Variants in ZNF287 observed in about 807,000 individuals in gnomAD.
ZNF287 encodes the protein zinc finger protein with KRAB and SCAN domains 13.
ZNF287 carries 31 observed loss-of-function variants against 73.7 expected under a neutral mutation model. That is an observed-to-expected ratio of 0.42 (90% CI 0.32 to 0.57). The LOEUF (loss-of-function observed/expected upper bound fraction) is 0.57. Ranked by LOEUF, ZNF287 falls within the 20% of genes least tolerant of loss-of-function variation. ZNF287 has a pLI of 0.13. For missense variants in ZNF287, 641 were observed against 909.3 expected, an observed-to-expected ratio of 0.70 and a Z score of 3.79; for synonymous variants, 301 against 307.2, an observed-to-expected ratio of 0.98 and a Z score of 0.21.
intron 5 of ZNF287, among the ~76,000 whole-genome samples, chr17:16,560,307 G>GGT (rs199909656): frequency 1.8e-4 from 24 of 131,742 alleles, no homozygotes; most frequent in Admixed American, 1.0e-3. Flanking sequence ...AGTCAACAGT[G>GGT]GTGTATATAT....
At chr17:16,565,024 G>A (rs946234478) in intron 3 of ZNF287, among the ~76,000 whole-genome samples, 11 of 151,586 alleles carry the variant, frequency 7.3e-5, no homozygotes, top group African/African-American at 2.2e-4. Flanking sequence ...CTGGCCACGT[G>A]TTTATTTTTT....
At position 16,548,661 on chromosome 17, in the gene ZNF287, G is replaced by A. The variant is rs766474553; in HGVS notation, c.*3195C>T. On this transcript the variant is annotated 3_prime_UTR_variant, in exon 6 of 6. Coordinates refer to ENST00000395825, the MANE Select transcript of ZNF287 (RefSeq NM_020653.4). ...AAAAATACAAAGAAATTAGCCGGGCGTGGTGGCGGGTGTCTGTAGTCCCAG... is the reference window on the plus strand; with the variant it reads ...AAAAATACAAAGAAATTAGCCGGGCATGGTGGCGGGTGTCTGTAGTCCCAG... Among the ~76,000 whole-genome samples, 17 of 152,104 alleles carry A rather than the reference G, an allele frequency of 1.1e-4. No homozygotes were observed. Among genetic ancestry groups the A allele is most frequent in the East Asian group, 1.9e-4 (1 of 5,176 alleles).
intron 5 of ZNF287, among the ~76,000 whole-genome samples, chr17:16,554,861 A>G (rs1906937119): frequency 6.6e-6 from 1 of 152,232 alleles, no homozygotes; most frequent in African/African-American, 2.4e-5. Context: ...CGGAGGTTGC[A>G]GTGAGCCATG....
rs1231146928 is a variant in ZNF287 at position 16,567,704 on chromosome 17, T to G, written c.28A>C (p.Ser10Arg). 6.2e-7 allele frequency: 1 copy of G among 1,612,438 alleles called. No individual in the cohort carries two copies. The highest frequency in any genetic ancestry group is 8.5e-7 in the Non-Finnish European group (1 of 1,178,900). Residue 10 changes from serine to arginine, a missense_variant, in exon 2 of 6, where the codon AGT becomes CGT. Ser to Arg is a moderately radical substitution (Grantham distance 110). Transcript: ENST00000395825. MLASSKRMN[S>R]SSRSQILLRW... is the part of the protein sequence containing the mutation. Reference sequence around the variant, plus strand: ...AGAAGGATTTGAGAACGTGAAGAACTGTTCATCCTCTTGCTTGAGGCTAAC... The same window carrying G: ...AGAAGGATTTGAGAACGTGAAGAACGGTTCATCCTCTTGCTTGAGGCTAAC...
chr17:16,566,810 A>G (rs1907770531), intron 2 of ZNF287, among the ~76,000 whole-genome samples, 188 bp from the exon 3 acceptor site: 1 of 152,240 alleles, frequency 6.6e-6, no homozygotes, highest in South Asian at 2.1e-4. Flanking sequence ...ACAGACTTCA[A>G]AAACAAGCTC....
chr17:16,552,690 T>A lies in ZNF287; in HGVS notation c.1452A>T (p.Glu484Asp). The part of the protein sequence containing the change: ...HTGEKPYKCL[E>D]CGKTFSHSSS... ...AACTATGACTGAAGGTTTTACCACATTCCAAGCATTTATATGGTTTCTCTC... is the reference window on the plus strand; with the variant it reads ...AACTATGACTGAAGGTTTTACCACAATCCAAGCATTTATATGGTTTCTCTC... Residue 484 changes from glutamate to aspartate, a missense_variant, in exon 6 of 6, where the codon GAA becomes GAT. Transcript: ENST00000395825. The surrounding 1 kb of genome is among the most constrained non-coding windows in gnomAD (Gnocchi z 6.5). 5 of 1,614,048 alleles carry A rather than the reference T, an allele frequency of 3.1e-6. No homozygotes were observed. Among genetic ancestry groups the A allele is most frequent in the Non-Finnish European group, 3.4e-6 (4 of 1,179,976 alleles).
At chr17:16,564,745 G>A (rs959843913) in intron 3 of ZNF287, among the ~76,000 whole-genome samples, 10 of 151,994 alleles carry the variant, frequency 6.6e-5, no homozygotes, top group African/African-American at 2.4e-4. Context: ...TGCTCCTTTT[G>A]TTAAAAATAT....
chr17:16,555,191 T>A lies in ZNF287; in HGVS notation c.716-1765A>T, dbSNP rs7216078. Reference sequence around the variant, plus strand: ...CTAGATGATATATATGTATATATATTTTTTTCCTTTTTTAAATATGGAAAG... The same window carrying A: ...CTAGATGATATATATGTATATATATATTTTTCCTTTTTTAAATATGGAAAG... On this transcript the variant is annotated intron_variant, in intron 5 of 5. Coordinates refer to ENST00000395825, the MANE Select transcript of ZNF287 (RefSeq NM_020653.4). 3.8e-3 allele frequency among the ~76,000 whole-genome samples: 579 copies of A among 152,130 alleles called. 6 individuals carry two copies. The highest frequency in any genetic ancestry group is 0.013 in the African/African-American group (557 of 41,490).
At position 16,567,398 on chromosome 17, in the gene ZNF287, G is replaced by A; in HGVS notation, c.334C>T (p.Gln112Ter). 2.5e-6 allele frequency: 4 copies of A among 1,614,120 alleles called. No homozygotes were observed. The highest frequency in any genetic ancestry group is 2.5e-6 in the Non-Finnish European group (3 of 1,180,032). ...PGEVRTWVKS[Q>*]YPESSEEAVT... ...GCTTCCTCGCTGCTCTCTGGATACT[G>A]GGACTTTACCCAAGTCCTAACCTCA... Residue 112 changes from glutamine (Q) to a stop codon, truncating the protein, a stop_gained, in exon 2 of 6, where the codon CAG (glutamine) becomes TAG (stop). Transcript: ENST00000395825. LOFTEE classifies it high-confidence loss of function.
At position 16,553,187 on chromosome 17, in the gene ZNF287, T is replaced by C. The variant is rs1470673627; in HGVS notation, c.955A>G (p.Asn319Asp). 1 of 1,601,724 alleles carries C rather than the reference T, an allele frequency of 6.2e-7. No homozygotes were observed. The highest frequency in any genetic ancestry group is 8.6e-7 in the Non-Finnish European group (1 of 1,169,280). ...ECLSKYDIYR[N>D]NFEKHSNLIV... ...AGGTTTGAATGCTTTTCAAAATTAT[T>C]TCTATATATATCATATTTACTAAGA... is the stretch of plus-strand genomic sequence containing the variant. Residue 319 changes from asparagine to aspartate, a missense_variant, in exon 6 of 6, where the codon AAT (asparagine) becomes GAT (aspartate). Transcript: ENST00000395825.
intron 5 of ZNF287, among the ~76,000 whole-genome samples, chr17:16,562,604 G>A (rs550098316): frequency 6.6e-6 from 1 of 151,756 alleles, no homozygotes; most frequent in South Asian, 2.1e-4. Flanking sequence ...GGGTGAATGT[G>A]GTATTCAGGT....
intron 5 of ZNF287, among the ~76,000 whole-genome samples, chr17:16,554,923 AAAAAT>A (rs1026456501): frequency 4.6e-5 from 7 of 152,156 alleles, no homozygotes; most frequent in African/African-American, 1.7e-4. Context: ...CTGTCTCCAA[AAAAAT>A]AAAATAAAAC....
intron 5 of ZNF287, among the ~76,000 whole-genome samples, chr17:16,554,283 T>C (rs1007629451): frequency 6.6e-6 from 1 of 151,800 alleles, no homozygotes; most frequent in African/African-American, 2.4e-5. Flanking sequence ...AAGTGATTCT[T>C]GTGCCTCAGA....
rs1315128491 is a variant in ZNF287, at chr17:16,552,010, T to C, written c.2132A>G (p.Lys711Arg). Residue 711 changes from lysine to arginine, a missense_variant, in exon 6 of 6, where the codon AAG (lysine) becomes AGG (arginine). Transcript: ENST00000395825. This position sits in a 1 kb window ranked among gnomAD's most constrained non-coding sequence, Gnocchi z 6.5. The part of the protein sequence containing the change: ...ERPYKCNECD[K>R]DFSQRTCLIQ... The stretch of plus-strand genomic sequence containing the variant: ...AAGGCATGTTCTCTGGCTAAAATCC[T>C]TATCACATTCATTACATTTATAGGG... The C allele has an allele frequency of 6.2e-7, 1 of 1,614,142 alleles. No individual in the cohort carries two copies. The highest frequency in any genetic ancestry group is 1.3e-5 in the African/African-American group (1 of 75,062).
At position 16,563,248 on chromosome 17, in the gene ZNF287, A is replaced by G. The variant is rs765348798; in HGVS notation, c.629-16T>C. 7.0e-6 allele frequency: 11 copies of G among 1,577,358 alleles called. No homozygotes were observed. Among genetic ancestry groups the G allele is most frequent in the Non-Finnish European group, 9.5e-6 (11 of 1,160,066 alleles). On this transcript the variant is annotated splice_polypyrimidine_tract_variant and intron_variant, in intron 4 of 5. Coordinates refer to ENST00000395825, the MANE Select transcript of ZNF287 (RefSeq NM_020653.4). ...ACTGTAAGTCCTGTTCAGGAGGAATATAAAGAATTTTATCCTGGAGATAAA... is the reference window on the plus strand; with the variant it reads ...ACTGTAAGTCCTGTTCAGGAGGAATGTAAAGAATTTTATCCTGGAGATAAA...
chr17:16,553,553 G>T, intron 5 of ZNF287, 127 bp from the exon 6 acceptor site: 1 of 735,218 alleles, frequency 1.4e-6, no homozygotes. Context: ...CATCATCATG[G>T]TCTTTAAAAC....
intron 5 of ZNF287, among the ~76,000 whole-genome samples, chr17:16,560,017 A>G (rs1019327509): frequency 2.0e-5 from 3 of 151,892 alleles, no homozygotes; most frequent in Non-Finnish European, 2.9e-5. Flanking sequence ...CAGTGGCACA[A>G]CCTTGGCTCA....
rs1210629483 is a variant in ZNF287 at position 16,551,835 on chromosome 17, A to T, written c.*21T>A. ...AAATTGAAACAAAGTTGTAAAACCG[A>T]ATTGAAGTTTCCCTTATCCATTAAT... On this transcript the variant is annotated 3_prime_UTR_variant, in exon 6 of 6. Transcript: ENST00000395825. 1 of 1,548,096 alleles carries T rather than the reference A, an allele frequency of 6.5e-7. No homozygotes were observed. The highest frequency in any genetic ancestry group is 8.7e-7 in the Non-Finnish European group (1 of 1,149,740).
chr17:16,564,146 T>G (rs2142499961), intron 3 of ZNF287, among the ~76,000 whole-genome samples: 1 of 152,350 alleles, frequency 6.6e-6, no homozygotes, highest in East Asian at 1.9e-4. Flanking sequence ...CTGTTGCCTG[T>G]GCTGGACTAG....
Sources: allele counts gnomAD v4.1 joint callset (sites outside exome capture counted in the v4.1 genomes callset), GRCh38; gene constraint gnomAD v4.1.1; non-coding constraint Gnocchi (gnomAD v3.1); transcripts MANE v1.5; gene names NCBI Gene and HGNC (gene_info 2026-07-23, HGNC 2026-07-21).